Variants in GMDS observed in about 807,000 individuals in gnomAD.
GMDS encodes the protein GDP-mannose 4,6 dehydratase.
A neutral mutation model predicts 49.9 loss-of-function variants in GMDS; 20 were observed. The ratio of observed to expected loss-of-function variants is 0.40; its 90% CI spans 0.28 to 0.58. The LOEUF is 0.58. Ranked by LOEUF, GMDS falls within the 20% of genes least tolerant of loss-of-function variation. GMDS has a pLI of 0.42. For synonymous variants in GMDS, 177 were observed against 178.6 expected, an observed-to-expected ratio of 0.99 and a Z score of 0.07; for missense variants, 362 against 481.4, an observed-to-expected ratio of 0.75 and a Z score of 2.32.
intron 9 of GMDS, among the ~76,000 whole-genome samples, chr6:1,656,615 T>C (rs1359790246): frequency 6.6e-6 from 1 of 151,638 alleles, no homozygotes; most frequent in Non-Finnish European, 1.5e-5. Context: ...AATACAAAAA[T>C]TAGCTGGGTG....
intron 4 of GMDS, among the ~76,000 whole-genome samples, chr6:1,978,794 G>C (rs1377452290): frequency 6.6e-6 from 1 of 152,138 alleles, no homozygotes; most frequent in East Asian, 1.9e-4. Context: ...TGTTCCTCCT[G>C]AGTGGGTGTG....
chr6:1,948,324 A>G (rs1763184883), intron 6 of GMDS, among the ~76,000 whole-genome samples: 1 of 152,256 alleles, frequency 6.6e-6, no homozygotes. Flanking sequence ...TTTTGAAGAA[A>G]AATTTCCACT....
At chr6:1,828,929 A>C (rs1447837575) in intron 7 of GMDS, among the ~76,000 whole-genome samples, 1 of 152,238 alleles carries the variant, frequency 6.6e-6, no homozygotes, top group Non-Finnish European at 1.5e-5. Context: ...CCGACTGTTG[A>C]CTGCAAGCCT....
intron 7 of GMDS, among the ~76,000 whole-genome samples, chr6:1,916,987 T>C (rs1761438892): frequency 1.3e-5 from 2 of 152,118 alleles, no homozygotes; most frequent in Non-Finnish European, 2.9e-5. Flanking sequence ...TGTACAACTA[T>C]TAAAGGACTG....
chr6:2,174,074 G>GT (rs1778149908), intron 1 of GMDS, among the ~76,000 whole-genome samples: 1 of 152,132 alleles, frequency 6.6e-6, no homozygotes, highest in African/African-American at 2.4e-5. Flanking sequence ...TGAATTACAG[G>GT]CTACGAACAG....
intron 4 of GMDS, among the ~76,000 whole-genome samples, chr6:2,101,840 A>C (rs976247589): frequency 2.5e-4 from 38 of 152,248 alleles, no homozygotes; most frequent in African/African-American, 8.9e-4. Flanking sequence ...ATAATTTTCA[A>C]AGTATCTATA....
chr6:2,064,318 A>G (rs569832486), intron 4 of GMDS, among the ~76,000 whole-genome samples: 1 of 152,336 alleles, frequency 6.6e-6, no homozygotes, highest in South Asian at 2.1e-4. Context: ...CAAATTTAGT[A>G]AAATTATTTT....
At chr6:2,074,648 C>T (rs1417043766) in intron 4 of GMDS, among the ~76,000 whole-genome samples, 4 of 152,036 alleles carry the variant, frequency 2.6e-5, no homozygotes, top group African/African-American at 9.7e-5. Context: ...TTGGGTCTTA[C>T]GTTTAAGTCT....
intron 7 of GMDS, among the ~76,000 whole-genome samples, chr6:1,779,071 G>A (rs1205360125): frequency 6.6e-6 from 1 of 152,078 alleles, no homozygotes; most frequent in Non-Finnish European, 1.5e-5. Flanking sequence ...AGAGAAATGA[G>A]CTGTACTCTG....
At position 1,778,480 on chromosome 6, in the gene GMDS, G is replaced by C. The variant is rs915981210; in HGVS notation, c.772-35894C>G. On this transcript the variant is annotated intron_variant, in intron 7 of 10. Transcript: ENST00000380815. This position sits in a 1 kb window ranked among gnomAD's most constrained non-coding sequence, Gnocchi z 4.6. ...CAAGGAACTGTGGAATTCAAGAGGA[G>C]GGGGCAGCCTTCCTGACCTGGAACT... is the stretch of plus-strand genomic sequence containing the variant. Among the ~76,000 whole-genome samples, 4 of 151,968 alleles carry C rather than the reference G, an allele frequency of 2.6e-5. No individual in the cohort carries two copies. The highest frequency in any genetic ancestry group is 9.7e-5 in the African/African-American group (4 of 41,420).
At chr6:1,679,109 T>C (rs1230321306) in intron 9 of GMDS, 1 of 152,202 alleles carries the variant, frequency 6.6e-6, no homozygotes, top group Non-Finnish European at 1.5e-5. Context: ...ACGCACACAA[T>C]GGAAGACATC....
intron 7 of GMDS, among the ~76,000 whole-genome samples, chr6:1,814,350 C>T (rs1429982651): frequency 6.6e-6 from 1 of 151,942 alleles, no homozygotes; most frequent in Non-Finnish European, 1.5e-5. Flanking sequence ...AAGAGGTGTG[C>T]ATTTTGGGAC....
intron 7 of GMDS, among the ~76,000 whole-genome samples, chr6:1,768,420 C>T (rs952411257): frequency 1.3e-5 from 2 of 152,152 alleles, no homozygotes; most frequent in African/African-American, 4.8e-5. Flanking sequence ...ATCAATATTG[C>T]CAGCTACTAC....
intron 1 of GMDS, among the ~76,000 whole-genome samples, chr6:2,194,981 A>C (rs1251389322): frequency 1.3e-5 from 2 of 152,270 alleles, no homozygotes; most frequent in African/African-American, 4.8e-5. Context: ...TGGAATTATC[A>C]GCCTGTACTT....
chr6:1,860,188 T>C (rs1758118045), intron 7 of GMDS, among the ~76,000 whole-genome samples: 1 of 152,220 alleles, frequency 6.6e-6, no homozygotes, highest in Admixed American at 6.5e-5. Flanking sequence ...AGAATACATA[T>C]AAATGTGATA....
rs1040027721 is a variant in GMDS, at chr6:1,808,483, C to G, written c.772-65897G>C. Among the ~76,000 whole-genome samples, 8 of 152,136 alleles carry G rather than the reference C, an allele frequency of 5.3e-5. No homozygotes were observed. In the South Asian group the frequency reaches 6.2e-4, roughly 12 times the overall value. On this transcript the variant is annotated intron_variant, in intron 7 of 10. Transcript: ENST00000380815. ...AATGACTTGTAGAGCAGAGAGCTAG[C>G]TGAACATCTAGAACTTACTTTCAAA...
chr6:1,834,914 G>T (rs780310366), intron 7 of GMDS, among the ~76,000 whole-genome samples: 1 of 152,054 alleles, frequency 6.6e-6, no homozygotes, highest in Non-Finnish European at 1.5e-5. Context: ...CACTATTCTT[G>T]TTTTTTCAAC....
chr6:1,650,878 C>T (rs543212595), intron 9 of GMDS, among the ~76,000 whole-genome samples: 1 of 152,178 alleles, frequency 6.6e-6, no homozygotes, highest in South Asian at 2.1e-4. Context: ...CTGTGCCCAG[C>T]CAATTTTCTA....
chr6:1,794,809 T>C (rs1399192203), intron 7 of GMDS, among the ~76,000 whole-genome samples: 3 of 152,142 alleles, frequency 2.0e-5, no homozygotes, highest in African/African-American at 7.2e-5. Flanking sequence ...AGACAGATGG[T>C]CCATTCTAGA....
Sources: gnomAD v4.1 joint callset for allele counts (sites outside exome capture counted in the v4.1 genomes callset) on GRCh38, gnomAD v4.1.1 for gene constraint, Gnocchi (gnomAD v3.1) non-coding constraint, MANE v1.5 for transcripts, NCBI Gene and HGNC (gene_info 2026-07-23, HGNC 2026-07-21) for gene names.